Variants in DRAM2 observed in about 807,000 individuals in gnomAD.
The protein encoded by DRAM2 is DNA damage regulated autophagy modulator 2, also known as DNA damage-regulated autophagy modulator protein 2.
A neutral mutation model predicts 33.5 loss-of-function variants in DRAM2; 26 were observed. The observed-to-expected ratio is 0.78, with a 90% confidence interval of 0.57 to 1.08. The LOEUF (loss-of-function observed/expected upper bound fraction) is 1.08. Ranked by LOEUF, DRAM2 falls within the 50% of genes least tolerant of loss-of-function variation. The pLI, the probability that DRAM2 is intolerant of heterozygous loss-of-function variation, is 0.00. For missense variants in DRAM2, 311 were observed against 318.1 expected (o/e 0.98, Z 0.17); for synonymous variants, 98 against 109.5 (o/e 0.89, Z 0.66).
At position 111,120,517 on chromosome 1, in the gene DRAM2, G is replaced by T. The variant is rs771322933; in HGVS notation, c.516C>A (p.Ser172Arg). Residue 172 changes from serine (S) to arginine (R), a missense_variant and splice_region_variant, in exon 7 of 10, where the codon AGC (serine) becomes AGA (arginine). Transcript: ENST00000484310. Reference sequence around the variant, plus strand: ...GCCACATTGTACAGTGAAGGATACTGCTAAGTGCACTTACTCCACACCAGA... The same window carrying T: ...GCCACATTGTACAGTGAAGGATACTTCTAAGTGCACTTACTCCACACCAGA... ...LVIWCGVSAL[S>R]MLTCSSVLHS... 1.3e-6 allele frequency: 2 copies of T among 1,593,948 alleles called. No individual in the cohort carries two copies. The highest frequency in any genetic ancestry group is 2.3e-5 in the South Asian group (2 of 88,680).
chr1:111,132,471 A>AG (rs1456039806), intron 3 of DRAM2, among the ~76,000 whole-genome samples: 1 of 152,176 alleles, frequency 6.6e-6, no homozygotes, highest in Non-Finnish European at 1.5e-5. Context: ...GATTGGTGTC[A>AG]GAAGTTGGGA....
rs974340837 is a variant in DRAM2 at position 111,124,154 on chromosome 1, A to G, written c.339+588T>C. Among the ~76,000 whole-genome samples the G allele has an allele frequency of 7.9e-5, 12 of 152,258 alleles. No homozygotes were observed. The East Asian group carries it at 9.6e-4, about 12-fold the overall frequency. ...TTACTTGTATTCAGAGTTGAGCCCA[A>G]TGTTTCTTTCCTACTGCTCTCTCTG... On this transcript the variant is annotated intron_variant, in intron 6 of 9. Transcript: ENST00000484310.
In DRAM2 at chr1:111,118,086, G is replaced by T. The variant is rs1649266855; in HGVS notation, c.*74C>A. Reference sequence around the variant, plus strand: ...TTAAGTGGTTGAAAATTTCAGAGAAGAATAAGCAACTTCTGTGAACCTTTC... The same window carrying T: ...TTAAGTGGTTGAAAATTTCAGAGAATAATAAGCAACTTCTGTGAACCTTTC... On this transcript the variant is annotated 3_prime_UTR_variant, in exon 10 of 10. Coordinates refer to ENST00000484310, the MANE Select transcript of DRAM2 (RefSeq NM_001349884.2). The T allele has an allele frequency of 2.8e-6, 4 of 1,425,238 alleles. No homozygotes were observed. The highest frequency in any genetic ancestry group is 1.2e-5 in the South Asian group (1 of 86,956). 88.3% of individuals were successfully genotyped at this position (1,425,238 alleles called of 1,614,324 possible).
intron 6 of DRAM2, among the ~76,000 whole-genome samples, chr1:111,121,958 C>T (rs1650134237): frequency 6.6e-6 from 1 of 151,864 alleles, no homozygotes; most frequent in Non-Finnish European, 1.5e-5. Context: ...ACAGAGGAAA[C>T]AGTATGTGAG....
At chr1:111,122,047 G>A (rs1650152484) in intron 6 of DRAM2, among the ~76,000 whole-genome samples, 2 of 152,030 alleles carry the variant, frequency 1.3e-5, no homozygotes, top group South Asian at 4.1e-4. Context: ...TAAGAAGGGG[G>A]ACAATGCAAA....
chr1:111,123,695 CT>C lies in DRAM2; in HGVS notation c.339+1046del, dbSNP rs1176883739. ...GGAAATGGGGCCTAATGGCAGGTGTCTGGGTCACAGGGGTGGATCCCTCATG... is the reference window on the plus strand; with the variant it reads ...GGAAATGGGGCCTAATGGCAGGTGTCGGGTCACAGGGGTGGATCCCTCATG... On this transcript the variant is annotated intron_variant, in intron 6 of 9. Coordinates refer to ENST00000484310, the MANE Select transcript of DRAM2 (RefSeq NM_001349884.2). Among the ~76,000 whole-genome samples the C allele has an allele frequency of 2.0e-5, 3 of 152,188 alleles. No individual in the cohort carries two copies. The East Asian group carries it at 5.8e-4, about 29-fold the overall frequency.
chr1:111,135,127 G>A (rs1652908784), intron 3 of DRAM2, among the ~76,000 whole-genome samples: 2 of 152,124 alleles, frequency 1.3e-5, no homozygotes, highest in African/African-American at 4.8e-5. Context: ...GACTTTTGTG[G>A]GTCCTGGCTG....
At chr1:111,138,716 G>A (rs1156508493) in intron 2 of DRAM2, among the ~76,000 whole-genome samples, 6 of 152,128 alleles carry the variant, frequency 3.9e-5, no homozygotes, top group South Asian at 2.1e-4. Context: ...CGCGGGAGGC[G>A]GAGGTTGCAG....
At chr1:111,130,906 CT>C (rs1276369085) in intron 4 of DRAM2, among the ~76,000 whole-genome samples, 1 of 151,072 alleles carries the variant, frequency 6.6e-6, no homozygotes, top group East Asian at 1.9e-4. Context: ...ACTCGGCAGG[CT>C]GAGGCAGAAG....
In DRAM2 at chr1:111,131,485, T is replaced by C. The variant is rs1652067275; in HGVS notation, c.70A>G (p.Ile24Val). The C allele has an allele frequency of 3.1e-6, 5 of 1,614,184 alleles. No individual in the cohort carries two copies. The highest frequency in any genetic ancestry group is 3.4e-6 in the Non-Finnish European group (4 of 1,180,016). Residue 24 changes from isoleucine (I) to valine (V), a missense_variant, in exon 4 of 10, where the codon ATA (isoleucine) becomes GTA (valine). Transcript: ENST00000484310. ...ALVIWTSAAFIFSYITAVTLH... is the reference protein window; with the variant it reads ...ALVIWTSAAFVFSYITAVTLH... ...GTTACTGCAGTAATGTATGAAAATA[T>C]GAAAGCAGCAGATGTCCAAATTACA...
At chr1:111,122,476 T>C (rs1557886030) in intron 6 of DRAM2, 1 of 152,210 alleles carries the variant, frequency 6.6e-6, no homozygotes, top group Non-Finnish European at 1.5e-5. Context: ...AACACAGTGC[T>C]AGCCTCTCTT....
Position 111,118,896 on chromosome 1 carries a change from C to A in DRAM2, c.602G>T (p.Gly201Val). 1.3e-6 allele frequency: 2 copies of A among 1,598,138 alleles called. No homozygotes were observed. The highest frequency in any genetic ancestry group is 1.7e-6 in the Non-Finnish European group (2 of 1,171,386). ...AGTAGTGATCATGTGAAGCACATAA[C>A]CCTGAGTGATGGGAAAAAAAGAATA... ...QKLHWNPEDK[G>V]YVLHMITTAA... Residue 201 changes from glycine (G) to valine (V), a missense_variant and splice_region_variant, in exon 9 of 10, where the codon GGT becomes GTT. Transcript: ENST00000484310.
intron 2 of DRAM2, among the ~76,000 whole-genome samples, chr1:111,138,170 G>T (rs1189926988): frequency 6.6e-6 from 1 of 152,170 alleles, no homozygotes; most frequent in East Asian, 1.9e-4. Context: ...CTTTATGTAT[G>T]ATTTTTTTCT....
At position 111,118,838 on chromosome 1, in the gene DRAM2, A is replaced by G. The variant is rs1226003462; in HGVS notation, c.660T>C (p.Phe220=). Residue 220 remains phenylalanine (F), a synonymous_variant, in exon 9 of 10, where the codon TTT becomes TTC. Coordinates refer to ENST00000484310, the MANE Select transcript of DRAM2 (RefSeq NM_001349884.2). ...AAEWSMSFSF[F]GFFLTYIRDF... ...CACGAATGTAAGTCAGGAAAAAACC[A>G]AAGAAGGAAAATGACATAGACCATT... is the stretch of plus-strand genomic sequence containing the variant. The G allele has an allele frequency of 6.2e-7, 1 of 1,610,410 alleles. No homozygotes were observed. Among genetic ancestry groups the G allele is most frequent in the East Asian group, 2.2e-5 (1 of 44,624 alleles).
chr1:111,125,741 A>C (rs1014622591), intron 5 of DRAM2: 3 of 152,438 alleles, frequency 2.0e-5, no homozygotes, highest in African/African-American at 7.2e-5. Flanking sequence ...CATTAATAAA[A>C]ATTTGGTTCA....
intron 7 of DRAM2, among the ~76,000 whole-genome samples, chr1:111,120,174 T>C (rs1649698734): frequency 6.6e-6 from 1 of 151,898 alleles, no homozygotes; most frequent in South Asian, 2.1e-4. Context: ...CCCACCTCTT[T>C]GCTCAGAAAA....
At chr1:111,123,735 G>A (rs1367171354) in intron 6 of DRAM2, among the ~76,000 whole-genome samples, 3 of 152,080 alleles carry the variant, frequency 2.0e-5, no homozygotes, top group Admixed American at 6.5e-5. Context: ...AGACTGATGT[G>A]GGGGGTTGGG....
At chr1:111,118,759 A>C in intron 9 of DRAM2, 46 bp downstream of exon 9, 3 of 1,464,702 alleles carry the variant, frequency 2.0e-6, no homozygotes, top group Non-Finnish European at 2.8e-6. Flanking sequence ...TCCTGGACTA[A>C]GAGAAGGAAG....
intron 4 of DRAM2, among the ~76,000 whole-genome samples, chr1:111,129,156 C>T (rs1229240333): frequency 6.6e-6 from 1 of 152,124 alleles, no homozygotes. Context: ...TAAATTTAAT[C>T]TTCCAATTTA....
Sources: allele counts gnomAD v4.1 joint callset (sites outside exome capture counted in the v4.1 genomes callset), GRCh38; gene constraint gnomAD v4.1.1; transcripts MANE v1.5; gene names NCBI Gene and HGNC (gene_info 2026-07-23, HGNC 2026-07-21).